Variants in RFFL observed in about 807,000 individuals in gnomAD.
RFFL encodes ring finger and FYVE like domain containing E3 ubiquitin protein ligase, also known as E3 ubiquitin-protein ligase rififylin.
In RFFL, 16 loss-of-function variants were observed where a neutral mutation model predicts 40.4. The ratio of observed to expected loss-of-function variants is 0.40; its 90% CI spans 0.27 to 0.60. RFFL has a LOEUF of 0.60. RFFL is among the 20% of genes least tolerant of loss of function. The pLI is 0.47. For missense variants in RFFL, 367 were observed against 451.7 expected (o/e 0.81, Z 1.70); for synonymous variants, 154 against 167.9 (o/e 0.92, Z 0.64).
chr17:35,068,446 C>T (rs1299196481), upstream of RFFL, among the ~76,000 whole-genome samples: 4 of 152,248 alleles, frequency 2.6e-5, no homozygotes, highest in Non-Finnish European at 5.9e-5. Flanking sequence ...TAACAAGCCA[C>T]TTTCACATTT....
chr17:35,017,274 A>G (rs1352613353), intron 4 of RFFL, among the ~76,000 whole-genome samples: 2 of 152,154 alleles, frequency 1.3e-5, no homozygotes, highest in Non-Finnish European at 1.5e-5. Flanking sequence ...TTAGAAAGTC[A>G]AGAGACTGGA....
rs975585315 is a variant in RFFL, at chr17:35,006,356, T to C, written c.*5612A>G. 2.6e-5 allele frequency: 4 copies of C among 153,022 alleles called. No individual in the cohort carries two copies. The highest frequency in any genetic ancestry group is 5.8e-5 in the Non-Finnish European group (4 of 68,700). 9.5% of individuals were successfully genotyped at this position (153,022 alleles called of 1,614,324 possible). A position where few individuals can be genotyped will look rare whatever the true frequency, so the allele number is the denominator to read the frequency against. On this transcript the variant is annotated 3_prime_UTR_variant, in exon 7 of 7. Coordinates refer to ENST00000394597, the MANE Select transcript of RFFL (RefSeq NM_001017368.2). ...CACTAGTGACTACCACACTGGACAG[T>C]GCAGGTGTAGACGGAGTTCAGATCA...
intron 1 of RFFL, among the ~76,000 whole-genome samples, chr17:35,071,470 T>C (rs1312565373): frequency 6.6e-6 from 1 of 151,666 alleles, no homozygotes; most frequent in Non-Finnish European, 1.5e-5. Context: ...ATACAAAATT[T>C]GTCTGGTAGT....
intron 1 of RFFL, among the ~76,000 whole-genome samples, chr17:35,061,178 G>T (rs368042427): frequency 4.6e-5 from 7 of 152,174 alleles, no homozygotes; most frequent in African/African-American, 1.7e-4. Context: ...GGGAACAAAT[G>T]GCACCTTAAA....
chr17:35,042,648 AC>A (rs2091173680), intron 1 of RFFL, among the ~76,000 whole-genome samples: 1 of 151,832 alleles, frequency 6.6e-6, no homozygotes, highest in South Asian at 2.1e-4. Context: ...ACATGGTGAA[AC>A]CCCATCTCTG....
At chr17:35,038,853 T>C (rs1332461587) in intron 1 of RFFL, among the ~76,000 whole-genome samples, 2 of 152,246 alleles carry the variant, frequency 1.3e-5, no homozygotes, top group Non-Finnish European at 1.5e-5. Context: ...CATCGAACTG[T>C]ACACTTATAA....
At chr17:35,082,300 CG>C (rs1222375027) in intron 1 of RFFL, among the ~76,000 whole-genome samples, 1 of 152,082 alleles carries the variant, frequency 6.6e-6, no homozygotes. Context: ...GAACAAGAAA[CG>C]AAGACCAAAA....
At chr17:35,031,392 C>G (rs1406014792) in intron 1 of RFFL, among the ~76,000 whole-genome samples, 1 of 152,076 alleles carries the variant, frequency 6.6e-6, no homozygotes, top group African/African-American at 2.4e-5. Context: ...CAGGCGTGAG[C>G]CACCACACCT....
At chr17:35,020,855 C>T (rs537918187) in intron 3 of RFFL, among the ~76,000 whole-genome samples, 4 of 152,312 alleles carry the variant, frequency 2.6e-5, no homozygotes, top group South Asian at 2.1e-4. Context: ...GCAAGTACAG[C>T]GTGCCAACTA....
chr17:35,021,274 G>C, intron 3 of RFFL, 97 bp downstream of exon 3: 1 of 1,242,004 alleles, frequency 8.1e-7, no homozygotes, highest in South Asian at 1.6e-5. Flanking sequence ...AAGACACTTA[G>C]CCTTATACCC....
chr17:35,057,522 A>G (rs2091268054), intron 1 of RFFL, among the ~76,000 whole-genome samples: 2 of 151,524 alleles, frequency 1.3e-5, no homozygotes, highest in South Asian at 2.1e-4. Flanking sequence ...ACACAGTAGG[A>G]GCTTACCAGG....
chr17:35,027,034 G>T (rs150449718), intron 1 of RFFL, among the ~76,000 whole-genome samples: 1 of 152,292 alleles, frequency 6.6e-6, no homozygotes, highest in African/African-American at 2.4e-5. Flanking sequence ...TTATATAAAT[G>T]ATGCAACCCA....
Position 35,071,874 on chromosome 17 carries a change from A to G in RFFL, c.-9+17231T>C, listed in dbSNP as rs1230568573. Among the ~76,000 whole-genome samples the G allele has an allele frequency of 4.6e-5, 7 of 152,292 alleles. No individual in the cohort carries two copies. The East Asian group carries it at 1.2e-3, about 25-fold the overall frequency. ...ACCATGGAATACTACTCAGAGATAA[A>G]AGGAACAAACTATTGCTGCCACACA... On this transcript the variant is annotated intron_variant, in intron 1 of 6. Transcript: ENST00000315249.
intron 6 of RFFL, among the ~76,000 whole-genome samples, chr17:35,012,432 G>A (rs866426175): frequency 6.6e-6 from 1 of 152,172 alleles, no homozygotes; most frequent in Non-Finnish European, 1.5e-5. Flanking sequence ...GAGAACTAAG[G>A]CAAAGTTCTC....
At chr17:35,059,350 C>A (rs921106793) in intron 1 of RFFL, among the ~76,000 whole-genome samples, 2 of 152,082 alleles carry the variant, frequency 1.3e-5, no homozygotes, top group Admixed American at 6.6e-5. Flanking sequence ...GATGAGAGAC[C>A]AAGAAAGAGA....
At chr17:35,013,654 G>A (rs1415643246) in intron 6 of RFFL, among the ~76,000 whole-genome samples, 1 of 152,214 alleles carries the variant, frequency 6.6e-6, no homozygotes, top group Non-Finnish European at 1.5e-5. Flanking sequence ...TTGAGGTGCT[G>A]TTGGTCCTAA....
intron 1 of RFFL, among the ~76,000 whole-genome samples, chr17:35,073,531 C>T (rs569579098): frequency 6.6e-6 from 1 of 152,114 alleles, no homozygotes; most frequent in Non-Finnish European, 1.5e-5. Context: ...TTCTATGATT[C>T]TCTGGCCCAT....
chr17:35,044,222 C>G (rs1170284550), intron 1 of RFFL, among the ~76,000 whole-genome samples: 1 of 152,100 alleles, frequency 6.6e-6, no homozygotes, highest in African/African-American at 2.4e-5. Context: ...CTGCAAATAC[C>G]CACCACCTTG....
rs192728738 is a variant in RFFL at position 35,045,138 on chromosome 17, G to T, written c.-9+18438C>A. ...GAGAACGTAAGAGGAACAACAACAG[G>T]CAAGGTCCTTGAATCTCATAATGAT... is the stretch of plus-strand genomic sequence containing the variant. On this transcript the variant is annotated intron_variant, in intron 1 of 6. Coordinates refer to ENST00000394597, the MANE Select transcript of RFFL (RefSeq NM_001017368.2). Among the ~76,000 whole-genome samples, 463 of 152,236 alleles carry T rather than the reference G, an allele frequency of 3.0e-3. 1 individual carries two copies. The highest frequency in any genetic ancestry group is 4.7e-3 in the Non-Finnish European group (322 of 68,020).
Sources: gnomAD v4.1 joint callset for allele counts (sites outside exome capture counted in the v4.1 genomes callset) on GRCh38, gnomAD v4.1.1 for gene constraint, MANE v1.5 for transcripts, NCBI Gene and HGNC (gene_info 2026-07-23, HGNC 2026-07-21) for gene names.